XRCC3: variants seen among roughly 807,000 people sequenced by gnomAD.
The protein encoded by XRCC3 is DNA repair protein XRCC3.
In XRCC3, 34 loss-of-function variants were observed where a neutral mutation model predicts 29.2. That is an observed-to-expected ratio of 1.16 (90% confidence interval 0.88 to 1.55). The LOEUF is 1.55. XRCC3 is among the 40% of genes most tolerant of loss of function. The pLI, the probability that XRCC3 is intolerant of heterozygous loss-of-function variation, is 0.00. For synonymous variants in XRCC3, 223 were observed against 211.3 expected, an observed-to-expected ratio of 1.06 and a Z score of -0.48; for missense variants, 463 against 467.6, an observed-to-expected ratio of 0.99 and a Z score of 0.09.
At chr14:103,704,944 A>G (rs2083381922) in intron 6 of XRCC3, 1 of 152,194 alleles carries the variant, frequency 6.6e-6, no homozygotes, top group Non-Finnish European at 1.5e-5. Flanking sequence ...GCAGTGGCAC[A>G]TGCAGTTGTG....
intron 4 of XRCC3, chr14:103,709,895 A>G (rs2151941890): frequency 6.6e-6 from 1 of 152,306 alleles, no homozygotes; most frequent in East Asian, 1.9e-4. Flanking sequence ...AAGGCCACCA[A>G]CAGGAGGATA....
At chr14:103,704,409 T>A (rs1003337398) in intron 6 of XRCC3, 4 of 152,242 alleles carry the variant, frequency 2.6e-5, no homozygotes, top group African/African-American at 9.6e-5. Context: ...TTATTTATTT[T>A]ATTTTAATTT....
chr14:103,707,053 T>A lies in XRCC3; in HGVS notation c.356A>T (p.Gln119Leu), dbSNP rs1213272135. ...CGGGAACTGCACAGCCAGGCAGAGC[T>A]GCAGCGCCAGCTGGGTCTTCCCTGC... Reference protein sequence around the residue: ...SSAGKTQLALQLCLAVQFPRQ... With the variant: ...SSAGKTQLALLLCLAVQFPRQ... Residue 119 changes from glutamine (Q) to leucine (L), a missense_variant, in exon 6 of 10, where the codon CAG becomes CTG. Coordinates refer to ENST00000555055, the MANE Select transcript of XRCC3 (RefSeq NM_005432.4). 6.4e-7 allele frequency: 1 copy of A among 1,565,844 alleles called. No homozygotes were observed. The highest frequency in any genetic ancestry group is 2.4e-5 in the East Asian group (1 of 42,150).
chr14:103,703,793 C>T (rs2083328631), intron 6 of XRCC3: 1 of 225,470 alleles, frequency 4.4e-6, no homozygotes, highest in African/African-American at 2.3e-5. Context: ...TTCAAAGCTC[C>T]TGCAATCTGG....
In XRCC3 at chr14:103,698,197, C is replaced by G. The variant is rs118143436; in HGVS notation, c.*601G>C. 1 of 160,540 alleles carries G rather than the reference C, an allele frequency of 6.2e-6. No homozygotes were observed. The highest frequency in any genetic ancestry group is 2.4e-5 in the African/African-American group (1 of 41,550). 9.9% of individuals were successfully genotyped at this position (160,540 alleles called of 1,614,324 possible). On this transcript the variant is annotated 3_prime_UTR_variant, in exon 10 of 10. Transcript: ENST00000555055. ...TGACACTGGAGGTTGGTGGGATATGCTTTCTCCACCTTGTACCACACTGAA... is the reference window on the plus strand; with the variant it reads ...TGACACTGGAGGTTGGTGGGATATGGTTTCTCCACCTTGTACCACACTGAA...
intron 7 of XRCC3, among the ~76,000 whole-genome samples, 155 bp from the exon 8 acceptor site, chr14:103,699,731 A>G (rs755137430): frequency 1.3e-5 from 2 of 151,888 alleles, no homozygotes; most frequent in Non-Finnish European, 2.9e-5. Context: ...TCTGAGCCCA[A>G]TTCTGTATTT....
rs3212044 is a variant in XRCC3, at chr14:103,708,693, C to CA, written c.56-35dup. On this transcript the variant is annotated intron_variant, in intron 4 of 9. Coordinates refer to ENST00000555055, the MANE Select transcript of XRCC3 (RefSeq NM_005432.4). ...ACACAGATAAATTACAGGAAAATGT[C>CA]AGACTGTCACAACGCAGGGCAACAC... is the stretch of plus-strand genomic sequence containing the variant. 5.5e-4 allele frequency: 891 copies of CA among 1,613,554 alleles called. 4 individuals are homozygous for CA. The African/African-American group carries it at 6.9e-3, about 12-fold the overall frequency.
At position 103,698,784 on chromosome 14, in the gene XRCC3, C is replaced by T. The variant is rs2151901589; in HGVS notation, c.*14G>A. ...GGGCTTCTCAGGCAGGGCTGTTGTG[C>T]AGCCGCCACCGTGTCAGTGGGACTG... On this transcript the variant is annotated 3_prime_UTR_variant, in exon 10 of 10. Coordinates refer to ENST00000555055, the MANE Select transcript of XRCC3 (RefSeq NM_005432.4). 6.3e-7 allele frequency: 1 copy of T among 1,579,452 alleles called. No homozygotes were observed. The highest frequency in any genetic ancestry group is 8.6e-7 in the Non-Finnish European group (1 of 1,163,948).
At chr14:103,710,667 G>A (rs2083592704) in intron 4 of XRCC3, 1 of 212,704 alleles carries the variant, frequency 4.7e-6, no homozygotes, top group Non-Finnish European at 9.5e-6. Context: ...TGTGAACCCC[G>A]GGAGGCGGAG....
intron 6 of XRCC3, chr14:103,704,401 ATTTAT>A (rs988450671): frequency 2.0e-5 from 3 of 151,932 alleles, no homozygotes; most frequent in Non-Finnish European, 2.9e-5. Context: ...CACTGAATTT[ATTTAT>A]TTTATTTTAA....
At chr14:103,703,035 T>C (rs1178192374) in intron 7 of XRCC3, 138 bp downstream of exon 7, 9 of 1,344,970 alleles carry the variant, frequency 6.7e-6, no homozygotes, top group Non-Finnish European at 8.2e-6. Flanking sequence ...TAAACCCCCA[T>C]GACCCATGCT....
intron 4 of XRCC3, 42 bp from the exon 5 acceptor site, chr14:103,708,701 C>G (rs1231964189): frequency 1.2e-6 from 2 of 1,613,212 alleles, no homozygotes; most frequent in Admixed American, 1.7e-5. Context: ...GTCAGACTGT[C>G]ACAACGCAGG....
intron 7 of XRCC3, chr14:103,701,253 C>T (rs1337261887): frequency 6.5e-7 from 1 of 1,543,344 alleles, no homozygotes; most frequent in Admixed American, 2.0e-5. Context: ...TGGCCCGGAG[C>T]TGGCCCGGGA....
At chr14:103,711,589 G>A in intron 2 of XRCC3, 22 bp from the exon 3 acceptor site, 2 of 456,644 alleles carry the variant, frequency 4.4e-6, no homozygotes, top group Non-Finnish European at 8.8e-6. Flanking sequence ...GGGAAGGTGA[G>A]TCTGGGATTG....
intron 6 of XRCC3, 143 bp from the exon 7 acceptor site, chr14:103,703,470 G>T: frequency 1.9e-6 from 2 of 1,034,720 alleles, no homozygotes; most frequent in Non-Finnish European, 2.9e-6. Context: ...GAGGGAGGAG[G>T]CTGGTGCTTT....
chr14:103,707,493 A>G, intron 5 of XRCC3: 1 of 539,984 alleles, frequency 1.9e-6, no homozygotes, highest in Non-Finnish European at 3.4e-6. Flanking sequence ...AGACGCCTTC[A>G]GCCAAAGCTT....
intron 7 of XRCC3, 65 bp downstream of exon 7, chr14:103,703,108 A>G: frequency 6.5e-7 from 1 of 1,540,570 alleles, no homozygotes; most frequent in Non-Finnish European, 8.7e-7. Flanking sequence ...CGTGGTGGCT[A>G]CACCTGCCCC....
At position 103,698,915 on chromosome 14, in the gene XRCC3, G is replaced by C; in HGVS notation, c.924C>G (p.Leu308=). The C allele has an allele frequency of 6.2e-7, 1 of 1,600,736 alleles. No individual in the cohort carries two copies. The highest frequency in any genetic ancestry group is 8.5e-7 in the Non-Finnish European group (1 of 1,174,146). The change falls in exon 10 of 10, where the codon CTC becomes CTG. Residue 308 remains leucine (L), a synonymous_variant. Coordinates refer to ENST00000555055, the MANE Select transcript of XRCC3 (RefSeq NM_005432.4). ...ADRLREEEAA[L]GCPARTLRVL... ...CCCGCAGGGTCCGGGCTGGGCAGCCGAGGGCAGCCTCTTCCTCGCGGAGCC... is the reference window on the plus strand; with the variant it reads ...CCCGCAGGGTCCGGGCTGGGCAGCCCAGGGCAGCCTCTTCCTCGCGGAGCC...
At chr14:103,704,339 C>G (rs1175466963) in intron 6 of XRCC3, 1 of 152,194 alleles carries the variant, frequency 6.6e-6, no homozygotes, top group Non-Finnish European at 1.5e-5. Context: ...GGGAACTGTT[C>G]TGGAATTGGA....
Sources: gnomAD v4.1 joint callset for allele counts (sites outside exome capture counted in the v4.1 genomes callset) on GRCh38, gnomAD v4.1.1 for gene constraint, MANE v1.5 for transcripts, NCBI Gene and HGNC (gene_info 2026-07-23, HGNC 2026-07-21) for gene names.